Variants in BST1 observed in about 807,000 individuals in gnomAD.
BST1 encodes the protein ADP-ribosyl cyclase/cyclic ADP-ribose hydrolase 2.
In BST1, 49 loss-of-function variants were observed where a neutral mutation model predicts 40.6. The ratio of observed to expected loss-of-function variants is 1.21; its 90% CI spans 0.96 to 1.53. BST1 has a LOEUF of 1.53. BST1 is among the 40% of genes most tolerant of loss of function. BST1 has a pLI of 0.00. For missense variants in BST1, 423 were observed against 395.9 expected, an observed-to-expected ratio of 1.07 and a Z score of -0.58; for synonymous variants, 157 against 159.3, an observed-to-expected ratio of 0.99 and a Z score of 0.11.
chr4:15,744,570 G>T, the BST1 span, among the ~76,000 whole-genome samples: 1 of 152,062 alleles, frequency 6.6e-6, no homozygotes, highest in Non-Finnish European at 1.5e-5. Context: ...TGAGATTTTG[G>T]GTGGAGACAC....
At chr4:15,742,010 C>T (rs1157017242), downstream of BST1, among the ~76,000 whole-genome samples, 1 of 152,156 alleles carries the variant, frequency 6.6e-6, no homozygotes, top group Non-Finnish European at 1.5e-5. Flanking sequence ...AAATAAAACT[C>T]CATTTTATTT....
chr4:15,740,084 C>T (rs545511098), downstream of BST1, among the ~76,000 whole-genome samples: 6 of 152,218 alleles, frequency 3.9e-5, no homozygotes, highest in Admixed American at 6.5e-5. Context: ...GACTGAATCT[C>T]GTTCTGTCAC....
In BST1 at chr4:15,732,170, A is replaced by G. The variant is rs1482930659; in HGVS notation, c.*325A>G. 2.0e-5 allele frequency: 21 copies of G among 1,067,558 alleles called. No individual in the cohort carries two copies. Among genetic ancestry groups the G allele is most frequent in the African/African-American group, 3.4e-5 (2 of 59,502 alleles). The allele number at this position is 1,067,558 out of a possible 1,614,324, so 66.1% of individuals were successfully genotyped here. On this transcript the variant is annotated 3_prime_UTR_variant, in exon 9 of 9. Coordinates refer to ENST00000265016, the MANE Select transcript of BST1 (RefSeq NM_004334.3). ...GAATTCTAATAAAGCTGTATTTTAC[A>G]TCATCTATATTTTCCTATATCTCCA... is the stretch of plus-strand genomic sequence containing the variant.
At chr4:15,720,075 C>T (rs750935567) in intron 7 of BST1, among the ~76,000 whole-genome samples, 23 of 152,202 alleles carry the variant, frequency 1.5e-4, no homozygotes, top group Non-Finnish European at 2.8e-4. Context: ...AACCAGCCCT[C>T]AGACCAATAA....
rs149655619 is a variant in BST1 at position 15,710,710 on chromosome 4, A to C, written c.452-1097A>C. ...TGTTTTCCTGTACCTGGCTTATTTC[A>C]CTTGACATAATGTCCTCCAGGTTCA... On this transcript the variant is annotated intron_variant, in intron 3 of 8. Transcript: ENST00000265016. Among the ~76,000 whole-genome samples the C allele has an allele frequency of 5.1e-3, 776 of 152,110 alleles. 5 individuals carry two copies. Among genetic ancestry groups the C allele is most frequent in the African/African-American group, 0.018 (736 of 41,484 alleles).
At chr4:15,714,681 T>A (rs568011734) in intron 4 of BST1, among the ~76,000 whole-genome samples, 1 of 152,332 alleles carries the variant, frequency 6.6e-6, no homozygotes, top group South Asian at 2.1e-4. Context: ...TAGTCCTTAG[T>A]GCTGTTTGCC....
At chr4:15,747,119 C>T in the BST1 span, among the ~76,000 whole-genome samples, 5,042 of 152,248 alleles carry the variant, frequency 0.033, 282 homozygotes, top group African/African-American at 0.12. Flanking sequence ...CCTGAGGTTC[C>T]AGACACCAGT....
downstream of BST1, chr4:15,743,247 G>T: frequency 4.7e-6 from 1 of 210,656 alleles, no homozygotes; most frequent in Non-Finnish European, 1.0e-5. Context: ...AGAGCTTCAA[G>T]ACAAAGTTTT....
At chr4:15,715,667 G>C (rs749724617) in intron 5 of BST1, 40 bp from the exon 6 acceptor site, 2 of 1,345,902 alleles carry the variant, frequency 1.5e-6, no homozygotes, top group South Asian at 1.3e-5. Context: ...AAATGGAAAA[G>C]ATATCATATT....
intron 7 of BST1, among the ~76,000 whole-genome samples, chr4:15,721,808 T>C (rs991027383): frequency 6.6e-6 from 1 of 151,850 alleles, no homozygotes. Flanking sequence ...AGTATAATAA[T>C]AAAAAATAAA....
intron 7 of BST1, among the ~76,000 whole-genome samples, chr4:15,720,271 T>C (rs1331746497): frequency 1.3e-5 from 2 of 152,156 alleles, no homozygotes; most frequent in Non-Finnish European, 2.9e-5. Context: ...CTTTCCCTCC[T>C]GCTACCAAGC....
At position 15,731,797 on chromosome 4, in the gene BST1, T is replaced by A; in HGVS notation, c.909T>A (p.Gly303=). The part of the protein sequence containing the change: ...APSLYTEQRA[G]LIIPLFLVLA... ...GTCTTTATACAGAACAAAGGGCGGGTCTTATCATTCCCCTCTTTCTGGTGC... is the reference window on the plus strand; with the variant it reads ...GTCTTTATACAGAACAAAGGGCGGGACTTATCATTCCCCTCTTTCTGGTGC... The change falls in exon 9 of 9, where the codon GGT becomes GGA. Residue 303 remains glycine, a synonymous_variant. Transcript: ENST00000265016. 1 of 1,613,738 alleles carries A rather than the reference T, an allele frequency of 6.2e-7. No individual in the cohort carries two copies. The highest frequency in any genetic ancestry group is 1.1e-5 in the South Asian group (1 of 90,906).
Position 15,703,420 on chromosome 4 carries a change from G to A in BST1, c.188+88G>A, listed in dbSNP as rs1029741229. The A allele has an allele frequency of 6.7e-5, 97 of 1,452,472 alleles. 1 individual carries two copies. The South Asian group carries it at 1.2e-3, about 19-fold the overall frequency. The allele number at this position is 1,452,472 out of a possible 1,614,324, so 90.0% of individuals were successfully genotyped here. A position where few individuals can be genotyped will look rare whatever the true frequency, so the allele number is the denominator to read the frequency against. ...AGGGGAAAACTGGCGCTAAAGTTCG[G>A]GGTGAGGGGGCAATGAGAGAGGCCT... On this transcript the variant is annotated intron_variant, in intron 1 of 8. Coordinates refer to ENST00000265016, the MANE Select transcript of BST1 (RefSeq NM_004334.3).
intron 5 of BST1, 83 bp downstream of exon 5, chr4:15,715,444 A>G: frequency 7.1e-7 from 1 of 1,404,354 alleles, no homozygotes; most frequent in South Asian, 1.2e-5. Context: ...AAAGAAAATT[A>G]TCCTAGTCCC....
At chr4:15,724,555 G>T (rs1015192247) in intron 8 of BST1, among the ~76,000 whole-genome samples, 1 of 151,974 alleles carries the variant, frequency 6.6e-6, no homozygotes, top group Non-Finnish European at 1.5e-5. Flanking sequence ...GAGTGGTGGT[G>T]CGTGCCTGTA....
intron 8 of BST1, among the ~76,000 whole-genome samples, chr4:15,730,413 A>G (rs1049740587): frequency 9.9e-5 from 15 of 152,182 alleles, no homozygotes; most frequent in Non-Finnish European, 2.1e-4. Context: ...TTTCTTCACC[A>G]CTTAAACTCT....
chr4:15,716,581 T>A (rs1405612553), intron 6 of BST1, among the ~76,000 whole-genome samples: 1 of 152,194 alleles, frequency 6.6e-6, no homozygotes, highest in East Asian at 1.9e-4. Flanking sequence ...CAGGACCTTC[T>A]AAGACTCACC....
chr4:15,717,075 C>T (rs532910900), intron 6 of BST1, among the ~76,000 whole-genome samples: 3 of 152,168 alleles, frequency 2.0e-5, no homozygotes, highest in East Asian at 1.9e-4. Context: ...CCACCATGCC[C>T]GTCCTTTATA....
intron 8 of BST1, among the ~76,000 whole-genome samples, chr4:15,724,657 G>A (rs1262258695): frequency 6.6e-6 from 1 of 152,076 alleles, no homozygotes; most frequent in East Asian, 1.9e-4. Context: ...GTGCACTCCA[G>A]CCCAGTCAAC....
Sources: gnomAD v4.1 joint callset for allele counts (sites outside exome capture counted in the v4.1 genomes callset) on GRCh38, gnomAD v4.1.1 for gene constraint, MANE v1.5 for transcripts, NCBI Gene and HGNC (gene_info 2026-07-23, HGNC 2026-07-21) for gene names.